ITGB3BP: variants seen among roughly 807,000 people sequenced by gnomAD.
ITGB3BP encodes the protein integrin subunit beta 3 binding protein.
Under a neutral mutation model 29.1 loss-of-function variants are expected in ITGB3BP, and 27 were observed. The ratio of observed to expected loss-of-function variants is 0.93; its 90% CI spans 0.68 to 1.28. ITGB3BP has a LOEUF of 1.28. ITGB3BP is among the 50% of genes most tolerant of loss of function. The pLI is 0.00. For synonymous variants in ITGB3BP, 61 were observed against 61.4 expected (o/e 0.99, Z 0.03); for missense variants, 192 against 200.2 (o/e 0.96, Z 0.25).
intron 8 of ITGB3BP, among the ~76,000 whole-genome samples, chr1:63,444,956 G>A (rs772561000): frequency 5.9e-5 from 9 of 151,992 alleles, no homozygotes; most frequent in Admixed American, 2.0e-4. Flanking sequence ...AATGGGATAC[G>A]TATAAAGTGT....
chr1:63,474,382 C>A (rs1250490254), intron 4 of ITGB3BP, among the ~76,000 whole-genome samples: 1 of 150,022 alleles, frequency 6.7e-6, no homozygotes, highest in Non-Finnish European at 1.5e-5. Flanking sequence ...GCCACGACCC[C>A]GTCTGGGAGG....
chr1:63,516,522 C>T (rs1646331533), intron 1 of ITGB3BP, among the ~76,000 whole-genome samples: 1 of 151,232 alleles, frequency 6.6e-6, no homozygotes, highest in Non-Finnish European at 1.5e-5. Flanking sequence ...TCAACATGGG[C>T]AACACAATGA....
intron 1 of ITGB3BP, among the ~76,000 whole-genome samples, chr1:63,518,118 TAAA>T (rs1417541793): frequency 1.3e-5 from 2 of 152,280 alleles, no homozygotes; most frequent in East Asian, 1.9e-4. Context: ...TTCCTAATCT[TAAA>T]AAAGTTTTCG....
At chr1:63,505,106 C>A (rs980789622) in intron 2 of ITGB3BP, among the ~76,000 whole-genome samples, 5 of 152,102 alleles carry the variant, frequency 3.3e-5, no homozygotes, top group Admixed American at 3.3e-4. Context: ...CTCCTTGTAC[C>A]TCTGGTAGAA....
chr1:63,502,095 A>C (rs1039461252), intron 2 of ITGB3BP, among the ~76,000 whole-genome samples: 3 of 152,156 alleles, frequency 2.0e-5, no homozygotes, highest in Non-Finnish European at 4.4e-5. Flanking sequence ...GTATATGGCC[A>C]GGTAGCCAGT....
intron 4 of ITGB3BP, among the ~76,000 whole-genome samples, chr1:63,467,538 T>C (rs1235686719): frequency 6.6e-6 from 1 of 151,452 alleles, no homozygotes; most frequent in Non-Finnish European, 1.5e-5. Context: ...GATTGATTGA[T>C]TGATTGATTG....
At chr1:63,465,487 C>T (rs761371208) in intron 4 of ITGB3BP, among the ~76,000 whole-genome samples, 53 of 150,828 alleles carry the variant, frequency 3.5e-4, no homozygotes, top group Non-Finnish European at 4.7e-4. Flanking sequence ...CAATCTGCTG[C>T]GCTGGAGTGA....
chr1:63,473,453 G>A (rs1192579808), intron 4 of ITGB3BP, among the ~76,000 whole-genome samples: 3 of 141,398 alleles, frequency 2.1e-5, no homozygotes, highest in South Asian at 2.3e-4. Flanking sequence ...CCGGCCAGTC[G>A]CCCCGTCCAG....
upstream of ITGB3BP, among the ~76,000 whole-genome samples, chr1:63,523,860 G>A (rs1194451289): frequency 2.6e-5 from 4 of 152,018 alleles, no homozygotes; most frequent in Admixed American, 6.6e-5. Flanking sequence ...GACGGTGACT[G>A]GACGGCTTTC....
Position 63,454,067 on chromosome 1 carries a change from A to G in ITGB3BP, c.428-93T>C. On this transcript the variant is annotated intron_variant, in intron 6 of 8. Transcript: ENST00000271002. This position sits in a 1 kb window ranked among gnomAD's most constrained non-coding sequence, Gnocchi z 4.1. ...CAAACAACTTCATGAGAAAAAAATA[A>G]TTCAAAATAATACATATTTATAAGT... 1.5e-6 allele frequency: 1 copy of G among 648,938 alleles called. No individual in the cohort carries two copies. Among genetic ancestry groups the G allele is most frequent in the Non-Finnish European group, 2.7e-6 (1 of 373,740 alleles). The allele number at this position is 648,938 out of a possible 1,614,324, so 40.2% of individuals were successfully genotyped here.
upstream of ITGB3BP, chr1:63,525,534 C>G: frequency 7.1e-7 from 1 of 1,408,048 alleles, no homozygotes; most frequent in Non-Finnish European, 9.3e-7. Flanking sequence ...TTTAGTGACT[C>G]ACATTGACAA....
In ITGB3BP at chr1:63,454,844, C is replaced by G. The variant is rs17319708; in HGVS notation, c.333+46G>C. ...ATTCTCCAATCTGGGACACTTCTTT[C>G]ATTTTATCCTTTTCAAACAGGGTAG... On this transcript the variant is annotated intron_variant, in intron 5 of 8. Coordinates refer to ENST00000271002, the MANE Select transcript of ITGB3BP (RefSeq NM_014288.5). This position sits in a 1 kb window ranked among gnomAD's most constrained non-coding sequence, Gnocchi z 4.1. 0.19 allele frequency: 158,863 copies of G among 856,974 alleles called. 17,415 individuals are homozygous for G. Among genetic ancestry groups the G allele is most frequent in the Non-Finnish European group, 0.23 (120,998 of 534,544 alleles). The allele number at this position is 856,974 out of a possible 1,614,324, so 53.1% of individuals were successfully genotyped here.
chr1:63,451,197 C>T (rs1033249190), intron 7 of ITGB3BP, among the ~76,000 whole-genome samples: 2 of 151,014 alleles, frequency 1.3e-5, no homozygotes, highest in African/African-American at 4.9e-5. Context: ...TCTGAAAGAC[C>T]AAAAAACAAA....
Position 63,446,845 on chromosome 1 carries a change from G to T in ITGB3BP, c.496C>A (p.Leu166Ile). Residue 166 changes from leucine to isoleucine, a missense_variant, in exon 8 of 9, where the codon CTT becomes ATT. By Grantham distance (5) the Leu-to-Ile change is conservative. Transcript: ENST00000271002. ...GCTTTAAGGAATTCATAGCTGTCAA[G>T]ATGACGTGATGCTATATGAAAGAAG... is the stretch of plus-strand genomic sequence containing the variant. ...TGLPHKASRHLDSYEFLKAIL... is the reference protein window; with the variant it reads ...TGLPHKASRHIDSYEFLKAIL... 1 of 1,609,974 alleles carries T rather than the reference G, an allele frequency of 6.2e-7. No individual in the cohort carries two copies. Among genetic ancestry groups the T allele is most frequent in the Non-Finnish European group, 8.5e-7 (1 of 1,176,936 alleles).
intron 8 of ITGB3BP, chr1:63,446,600 C>G (rs1200944196): frequency 7.6e-6 from 4 of 528,648 alleles, no homozygotes; most frequent in Non-Finnish European, 1.4e-5. Context: ...CAGTTCTTTC[C>G]AATCAGCCTC....
chr1:63,455,372 A>T (rs1570133662), intron 4 of ITGB3BP, among the ~76,000 whole-genome samples: 1 of 152,138 alleles, frequency 6.6e-6, no homozygotes, highest in Admixed American at 6.5e-5. Flanking sequence ...TTCTGAACAT[A>T]TCTCCAGTTA....
At chr1:63,508,683 T>C in intron 1 of ITGB3BP, 113 bp from the exon 2 acceptor site, 1 of 534,596 alleles carries the variant, frequency 1.9e-6, no homozygotes, top group Non-Finnish European at 3.3e-6. Context: ...AACCAATTTT[T>C]ATATTATGTA....
intron 7 of ITGB3BP, among the ~76,000 whole-genome samples, chr1:63,448,911 T>C (rs1384617609): frequency 6.6e-6 from 1 of 152,170 alleles, no homozygotes; most frequent in Non-Finnish European, 1.5e-5. Flanking sequence ...ATGTGAGATA[T>C]GTCTCTGGGG....
rs55797590 is a variant in ITGB3BP at position 63,471,262 on chromosome 1, G to GTTT, written c.254+7499_254+7501dup. Among the ~76,000 whole-genome samples the GTTT allele has an allele frequency of 4.8e-3, 603 of 125,350 alleles. 22 individuals carry two copies. Among genetic ancestry groups the GTTT allele is most frequent in the East Asian group, 0.012 (52 of 4,348 alleles). The allele number at this position is 125,350 out of a possible 152,430, so 82.2% of individuals were successfully genotyped here. A position where few individuals can be genotyped will look rare whatever the true frequency, so the allele number is the denominator to read the frequency against. On this transcript the variant is annotated intron_variant, in intron 4 of 8. Coordinates refer to ENST00000271002, the MANE Select transcript of ITGB3BP (RefSeq NM_014288.5). ...TAATCCAAGGTCCAGTCCTCTAAAA[G>GTTT]TTTTTTTTTTTTTTTTTTGAGACAG...
Sources: gnomAD v4.1 joint callset for allele counts (sites outside exome capture counted in the v4.1 genomes callset) on GRCh38, gnomAD v4.1.1 for gene constraint, Gnocchi (gnomAD v3.1) non-coding constraint, MANE v1.5 for transcripts, NCBI Gene and HGNC (gene_info 2026-07-23, HGNC 2026-07-21) for gene names.